NDRG2: variants seen among roughly 807,000 people sequenced by gnomAD.
NDRG2 encodes protein NDRG2.
NDRG2 carries 34 observed loss-of-function variants against 58.2 expected under a neutral mutation model. The observed-to-expected ratio is 0.58, with a 90% CI of 0.44 to 0.78. NDRG2 has a LOEUF of 0.78. NDRG2 is among the 30% of genes least tolerant of loss of function. The pLI, the probability that NDRG2 is intolerant of heterozygous loss-of-function variation, is 0.00. For missense variants in NDRG2, 434 were observed against 471.2 expected (o/e 0.92, Z 0.73); for synonymous variants, 187 against 175.9 (o/e 1.06, Z -0.50).
rs186046900 is a variant in NDRG2 at position 21,058,475 on chromosome 14, T to C, written c.24+12353A>G. ...CAAATGCCATTTCCCTCCCACACAC[T>C]CAACCTCACATACTCTTGGTTTCTT... On this transcript the variant is annotated intron_variant, in intron 1 of 14. Coordinates refer to the NDRG2 transcript ENST00000403829. The C allele has an allele frequency of 1.1e-4, 77 of 705,722 alleles. No homozygotes were observed. In the African/African-American group the frequency reaches 1.2e-3, roughly 11 times the overall value. The allele number at this position is 705,722 out of a possible 1,614,324, so 43.7% of individuals were successfully genotyped here. A position where few individuals can be genotyped will look rare whatever the true frequency, so the allele number is the denominator to read the frequency against.
At chr14:21,030,363 A>T, upstream of NDRG2, 1 of 559,718 alleles carries the variant, frequency 1.8e-6, no homozygotes, top group Non-Finnish European at 3.2e-6. Flanking sequence ...CCACACTGGT[A>T]TCTCCAATGC....
At position 21,059,974 on chromosome 14, in the gene NDRG2, T is replaced by A. The variant is rs376339218; in HGVS notation, c.24+10854A>T. On this transcript the variant is annotated intron_variant, in intron 1 of 14. Coordinates refer to the NDRG2 transcript ENST00000403829. ...ACACACATACACACCCCCATATGCA[T>A]ATACATACAGAGGAACACATAGTCA... is the stretch of plus-strand genomic sequence containing the variant. Among the ~76,000 whole-genome samples the A allele has an allele frequency of 2.7e-4, 41 of 152,250 alleles. No homozygotes were observed. In the South Asian group the frequency reaches 7.3e-3, roughly 27 times the overall value.
At chr14:21,032,381 G>GC in intron 1 of NDRG2, 1 of 465,902 alleles carries the variant, frequency 2.1e-6, no homozygotes, top group Non-Finnish European at 4.1e-6. Context: ...AGATGTGGAG[G>GC]TAAAAGTATC....
chr14:21,069,956 C>G (rs1212691087), intron 1 of NDRG2, among the ~76,000 whole-genome samples: 1 of 152,170 alleles, frequency 6.6e-6, no homozygotes, highest in East Asian at 1.9e-4. Flanking sequence ...CATCCCTTGC[C>G]GAGGCTAAAC....
intron 5 of NDRG2, 67 bp downstream of exon 5, chr14:21,021,995 G>T (rs540986863): frequency 1.9e-4 from 312 of 1,612,520 alleles, no homozygotes; most frequent in Non-Finnish European, 2.5e-4. Context: ...CTCCTCCCCA[G>T]TCGAACCTTT....
chr14:21,022,991 T>C (rs1881511598), intron 2 of NDRG2, 86 bp from the exon 3 acceptor site: 1 of 1,473,856 alleles, frequency 6.8e-7, no homozygotes, highest in Non-Finnish European at 9.4e-7. Context: ...GAGAGGCAAG[T>C]AAAGACAGAC....
At position 21,017,758 on chromosome 14, in the gene NDRG2, G is replaced by A. The variant is rs1190975324; in HGVS notation, c.954C>T (p.Ala318=). 6.2e-7 allele frequency: 1 copy of A among 1,600,338 alleles called. No homozygotes were observed. The highest frequency in any genetic ancestry group is 1.1e-5 in the South Asian group (1 of 89,462). The change falls in exon 16 of 16, where the codon GCC becomes GCT. Residue 318 remains alanine (A), a synonymous_variant. Coordinates refer to ENST00000556147, the MANE Select transcript of NDRG2 (RefSeq NM_001320329.2). The part of the protein sequence containing the change: ...KYFLQGMGYM[A]SSCMTRLSRS... The stretch of plus-strand genomic sequence containing the variant: ...GGGACAGGCGAGTCATGCAGGATGA[G>A]GCCACTGTGGAGACAGCACGATGCA...
rs1045929357 is a variant in NDRG2 at position 21,024,513 on chromosome 14, G to A, written c.-490C>T. The A allele has an allele frequency of 1.0e-6, 1 of 985,210 alleles. No homozygotes were observed. The highest frequency in any genetic ancestry group is 1.7e-5 in the African/African-American group (1 of 57,218). 61.0% of individuals were successfully genotyped at this position (985,210 alleles called of 1,614,324 possible). A position where few individuals can be genotyped will look rare whatever the true frequency, so the allele number is the denominator to read the frequency against. ...AAAATTTTTGACAGCTCTCCAGTAAGAGGAGGGTAGCAGAGCATGGCTGTT... is the reference window on the plus strand; with the variant it reads ...AAAATTTTTGACAGCTCTCCAGTAAAAGGAGGGTAGCAGAGCATGGCTGTT... On this transcript the variant is annotated 5_prime_UTR_variant, in exon 1 of 16. Coordinates refer to ENST00000556147, the MANE Select transcript of NDRG2 (RefSeq NM_001320329.2).
Position 21,024,628 on chromosome 14 carries a change from AG to A in NDRG2, c.-606del. ...CCGTGTAGGTCCCACGAGTGGAGAA[AG>A]GGAGAGGAGAGCGGTCCCACAATCT... On this transcript the variant is annotated 5_prime_UTR_variant, in exon 1 of 16. It introduces an in-frame stop codon into an upstream open reading frame of the 5' UTR. Transcript: ENST00000556147. 1.0e-6 allele frequency: 1 copy of A among 985,340 alleles called. No individual in the cohort carries two copies. The highest frequency in any genetic ancestry group is 1.2e-6 in the Non-Finnish European group (1 of 829,936). 61.0% of individuals were successfully genotyped at this position (985,340 alleles called of 1,614,324 possible).
At chr14:21,061,570 G>A (rs1014823294) in intron 1 of NDRG2, among the ~76,000 whole-genome samples, 2 of 151,810 alleles carry the variant, frequency 1.3e-5, no homozygotes, top group Admixed American at 1.3e-4. Context: ...TCTCTACTGG[G>A]TGTGTTCTCT....
intron 1 of NDRG2, chr14:21,036,123 A>T (rs1170598039): frequency 2.2e-6 from 1 of 451,004 alleles, no homozygotes; most frequent in Non-Finnish European, 4.5e-6. Flanking sequence ...TGAGTCCATC[A>T]GTCACACAGC....
At chr14:21,029,567 A>G (rs184093013), upstream of NDRG2, among the ~76,000 whole-genome samples, 1 of 152,338 alleles carries the variant, frequency 6.6e-6, no homozygotes. Context: ...ACTGCATTTC[A>G]GCCTGGGCAA....
chr14:21,068,818 C>T (rs536532980), intron 1 of NDRG2, among the ~76,000 whole-genome samples: 4 of 152,228 alleles, frequency 2.6e-5, no homozygotes, highest in Non-Finnish European at 4.4e-5. Context: ...CTTCTTGCCT[C>T]TAAGAAGGAT....
At chr14:21,066,760 TG>T (rs1280878444) in intron 1 of NDRG2, among the ~76,000 whole-genome samples, 27 of 152,382 alleles carry the variant, frequency 1.8e-4, no homozygotes, top group African/African-American at 6.5e-4. Flanking sequence ...GCTGGTGGTA[TG>T]GACCTTGATG....
In NDRG2 at chr14:21,022,885, T is replaced by C; in HGVS notation, c.96A>G (p.Arg32=). ...TTACCTGTCCCTGGTCCAGGAGGAT[T>C]CGGGCAGCTAACTCAGCCTCCTGGA... ...EAAKEAELAA[R]ILLDQGQTHS... Residue 32 remains arginine, a synonymous_variant, in exon 3 of 16, where the codon CGA becomes CGG. Transcript: ENST00000556147. 1 of 1,613,936 alleles carries C rather than the reference T, an allele frequency of 6.2e-7. No homozygotes were observed. The highest frequency in any genetic ancestry group is 2.2e-5 in the East Asian group (1 of 44,856).
At position 21,041,019 on chromosome 14, in the gene NDRG2, T is replaced by C. The variant is rs543983825; in HGVS notation, c.25-17698A>G. Among the ~76,000 whole-genome samples, 13 of 152,016 alleles carry C rather than the reference T, an allele frequency of 8.6e-5. No individual in the cohort carries two copies. The South Asian group carries it at 2.7e-3, about 32-fold the overall frequency. ...TGTTTGTTTGTTTTTTGAGACAGGG[T>C]CTCACTCTGTGACCCAGGCTGGAGT... On this transcript the variant is annotated intron_variant, in intron 1 of 14. Transcript: ENST00000403829.
At chr14:21,018,682 C>G in intron 12 of NDRG2, 81 bp downstream of exon 12, 1 of 1,603,038 alleles carries the variant, frequency 6.2e-7, no homozygotes. Flanking sequence ...AACAGGACAT[C>G]CCCTTGGCAA....
chr14:21,025,597 T>G (rs1312764053), upstream of NDRG2: 27 of 985,070 alleles, frequency 2.7e-5, no homozygotes, highest in Non-Finnish European at 2.9e-5. The surrounding 1 kb of genome is among the most constrained non-coding windows in gnomAD (Gnocchi z 5.1). Flanking sequence ...CAGGGGCAGG[T>G]GTGCTGGCGC....
At position 21,024,866 on chromosome 14, in the gene NDRG2, G is replaced by T; in HGVS notation, c.-843C>A. 1.0e-6 allele frequency: 1 copy of T among 985,722 alleles called. No homozygotes were observed. The highest frequency in any genetic ancestry group is 1.2e-6 in the Non-Finnish European group (1 of 830,138). 61.1% of individuals were successfully genotyped at this position (985,722 alleles called of 1,614,324 possible). A position where few individuals can be genotyped will look rare whatever the true frequency, so the allele number is the denominator to read the frequency against. ...GCGCGCACCCCAAACACGCCCTGCA[G>T]CTCTTGGAGCCTCAGCCTTTGTGCG... On this transcript the variant is annotated 5_prime_UTR_variant, in exon 1 of 16. The change creates a new upstream start codon in the 5' untranslated region. Coordinates refer to ENST00000556147, the MANE Select transcript of NDRG2 (RefSeq NM_001320329.2).
Sources: allele counts gnomAD v4.1 joint callset (sites outside exome capture counted in the v4.1 genomes callset), GRCh38; gene constraint gnomAD v4.1.1; non-coding constraint Gnocchi (gnomAD v3.1); transcripts MANE v1.5; gene names NCBI Gene and HGNC (gene_info 2026-07-23, HGNC 2026-07-21).